CCDC3: variants seen among roughly 807,000 people sequenced by gnomAD.
The protein encoded by CCDC3 is coiled-coil domain containing 3.
CCDC3 carries 24 observed loss-of-function variants against 21.4 expected under a neutral mutation model. The observed-to-expected ratio is 1.12, with a 90% confidence interval of 0.81 to 1.58. The LOEUF is 1.58. CCDC3 is among the 40% of genes most tolerant of loss of function. The probability of loss-of-function intolerance (pLI) is 0.00; values close to 1 mark genes in which losing one functional copy is unlikely to be tolerated. For synonymous variants in CCDC3, 186 were observed against 166.0 expected (o/e 1.12, Z -0.93); for missense variants, 425 against 360.9 (o/e 1.18, Z -1.44).
chr10:13,017,630 T>C (rs1480076368), intron 5 of CCDC3, among the ~76,000 whole-genome samples: 1 of 151,686 alleles, frequency 6.6e-6, no homozygotes, highest in East Asian at 1.9e-4. Context: ...TAGATACTAA[T>C]GGAAATACTA....
intron 3 of CCDC3, among the ~76,000 whole-genome samples, chr10:13,075,093 G>A (rs61851396): frequency 0.21 from 31,270 of 152,114 alleles, 3,859 homozygotes; most frequent in East Asian, 0.32. Flanking sequence ...GCTCCCTGAT[G>A]AACGAATGGT....
chr10:12,911,191 G>C (rs1834265907), intron 2 of CCDC3, among the ~76,000 whole-genome samples: 1 of 127,522 alleles, frequency 7.8e-6, no homozygotes. Flanking sequence ...CTCCTAATGA[G>C]GCTGTTGCAT....
intron 2 of CCDC3, among the ~76,000 whole-genome samples, chr10:12,977,703 T>G (rs1835437172): frequency 6.6e-6 from 1 of 152,232 alleles, no homozygotes; most frequent in South Asian, 2.1e-4. Flanking sequence ...GAAGCAGTTT[T>G]CAAACCATAG....
intron 5 of CCDC3, among the ~76,000 whole-genome samples, chr10:13,035,636 A>G (rs183928782): frequency 2.0e-5 from 3 of 152,196 alleles, no homozygotes; most frequent in African/African-American, 4.8e-5. Context: ...GGGAAGAACT[A>G]TATCATCCCG....
At chr10:12,934,425 T>C (rs1418248891) in intron 2 of CCDC3, among the ~76,000 whole-genome samples, 1 of 152,184 alleles carries the variant, frequency 6.6e-6, no homozygotes, top group Non-Finnish European at 1.5e-5. Flanking sequence ...TGGCCTGCTG[T>C]TGGTGGATGA....
intron 4 of CCDC3, chr10:13,058,334 A>G (rs986642942): frequency 1.6e-6 from 2 of 1,259,762 alleles, no homozygotes; most frequent in African/African-American, 1.5e-5. Flanking sequence ...GATCTTGTCC[A>G]TGCCAAACCT....
At chr10:13,062,476 T>C (rs1461416149) in intron 4 of CCDC3, among the ~76,000 whole-genome samples, 2 of 152,194 alleles carry the variant, frequency 1.3e-5, no homozygotes, top group African/African-American at 4.8e-5. Context: ...ATATATGCAT[T>C]CTTACAAACA....
At chr10:12,934,543 GT>G (rs1033672633) in intron 2 of CCDC3, among the ~76,000 whole-genome samples, 1 of 152,136 alleles carries the variant, frequency 6.6e-6, no homozygotes, top group Non-Finnish European at 1.5e-5. Flanking sequence ...TGATAGAGGG[GT>G]TTTGATGTCT....
At chr10:13,060,706 A>G (rs1301543445) in intron 4 of CCDC3, among the ~76,000 whole-genome samples, 1 of 152,068 alleles carries the variant, frequency 6.6e-6, no homozygotes, top group Non-Finnish European at 1.5e-5. Flanking sequence ...GGGTCTTGCT[A>G]TGTTGCCCAG....
chr10:13,034,237 C>A (rs1032829637), intron 5 of CCDC3, among the ~76,000 whole-genome samples: 1 of 149,418 alleles, frequency 6.7e-6, no homozygotes, highest in African/African-American at 2.5e-5. Flanking sequence ...CAAACTATCG[C>A]AAGGGCAGAA....
intron 3 of CCDC3, among the ~76,000 whole-genome samples, chr10:13,087,438 C>T (rs997878990): frequency 6.6e-6 from 1 of 151,072 alleles, no homozygotes; most frequent in Non-Finnish European, 1.5e-5. Flanking sequence ...AGGAACAGTG[C>T]TGACGATATC....
At chr10:12,943,824 TTC>T (rs1328590903) in intron 2 of CCDC3, among the ~76,000 whole-genome samples, 3 of 152,156 alleles carry the variant, frequency 2.0e-5, no homozygotes, top group Non-Finnish European at 1.5e-5. Context: ...AAGAGAGTTT[TTC>T]TCTTTCTCTC....
At chr10:12,921,421 C>A (rs943756015) in intron 2 of CCDC3, among the ~76,000 whole-genome samples, 2 of 152,198 alleles carry the variant, frequency 1.3e-5, no homozygotes, top group Non-Finnish European at 2.9e-5. Flanking sequence ...GCAGCCAACC[C>A]CCTCCCCGAC....
chr10:13,057,283 C>A (rs1188970524), intron 4 of CCDC3, among the ~76,000 whole-genome samples: 1 of 151,844 alleles, frequency 6.6e-6, no homozygotes, highest in African/African-American at 2.4e-5. Flanking sequence ...CAGAGAGAGA[C>A]CTTGTCTTAA....
intron 5 of CCDC3, among the ~76,000 whole-genome samples, chr10:13,032,857 G>A (rs1043607435): frequency 1.3e-5 from 2 of 152,154 alleles, no homozygotes; most frequent in Non-Finnish European, 2.9e-5. Context: ...CAAACAAAGG[G>A]AAGAACATTC....
intron 5 of CCDC3, among the ~76,000 whole-genome samples, chr10:13,042,397 G>A (rs958574805): frequency 6.6e-6 from 1 of 152,254 alleles, no homozygotes; most frequent in Non-Finnish European, 1.5e-5. Flanking sequence ...AGGGGCGGGA[G>A]ACCGCCACAG....
rs78800471 is a variant in CCDC3, at chr10:12,900,264, T to C, written c.550-1585A>G. 4.8e-3 allele frequency among the ~76,000 whole-genome samples: 733 copies of C among 152,256 alleles called. 2 individuals are homozygous for C. The highest frequency in any genetic ancestry group is 0.017 in the African/African-American group (705 of 41,542). ...CTGGCATTTCCTTTATATGTGTGTG[T>C]GAGCATATATATAAAAAGAGGTATT... On this transcript the variant is annotated intron_variant, in intron 2 of 2. Transcript: ENST00000378825.
At chr10:13,022,409 C>G (rs1836158049) in intron 5 of CCDC3, among the ~76,000 whole-genome samples, 1 of 152,150 alleles carries the variant, frequency 6.6e-6, no homozygotes, top group African/African-American at 2.4e-5. Flanking sequence ...GGAAGTCCAT[C>G]TTAGATCAGG....
At chr10:12,930,179 G>C (rs1834616935) in intron 2 of CCDC3, among the ~76,000 whole-genome samples, 1 of 152,138 alleles carries the variant, frequency 6.6e-6, no homozygotes, top group Non-Finnish European at 1.5e-5. Flanking sequence ...TCATCAAATA[G>C]GTTTCTAATC....
Sources: allele counts gnomAD v4.1 joint callset (sites outside exome capture counted in the v4.1 genomes callset), GRCh38; gene constraint gnomAD v4.1.1; transcripts MANE v1.5; gene names NCBI Gene and HGNC (gene_info 2026-07-23, HGNC 2026-07-21).